ZNF26: variants seen among roughly 807,000 people sequenced by gnomAD.
The protein encoded by ZNF26 is epididymis luminal protein 179.
ZNF26 carries 32 observed loss-of-function variants against 54.9 expected under a neutral mutation model. That is an observed-to-expected ratio of 0.58 (90% CI 0.44 to 0.78). The LOEUF (loss-of-function observed/expected upper bound fraction) is 0.78, where lower values mean the gene tolerates loss of function less well. ZNF26 is among the 30% of genes least tolerant of loss of function. The probability of loss-of-function intolerance (pLI) is 0.00; values close to 1 mark genes in which losing one functional copy is unlikely to be tolerated. For synonymous variants in ZNF26, 221 were observed against 209.2 expected, an observed-to-expected ratio of 1.06 and a Z score of -0.49; for missense variants, 524 against 634.0, an observed-to-expected ratio of 0.83 and a Z score of 1.86.
chr12:133,006,851 C>G, intron 1 of ZNF26, 191 bp from the exon 2 acceptor site: 1 of 654,412 alleles, frequency 1.5e-6, no homozygotes, highest in Middle Eastern at 4.4e-4. Flanking sequence ...CCTTGGCCTC[C>G]GAAAGTGCTG....
rs1441135051 is a variant in ZNF26 at position 133,020,628 on chromosome 12, C to G, written c.*9147C>G. The G allele has an allele frequency of 6.6e-6, 1 of 152,124 alleles. No homozygotes were observed. The highest frequency in any genetic ancestry group is 2.4e-5 in the African/African-American group (1 of 41,402). The allele number at this position is 152,124 out of a possible 1,614,324, so 9.4% of individuals were successfully genotyped here. A position where few individuals can be genotyped will look rare whatever the true frequency, so the allele number is the denominator to read the frequency against. ...AGTTGGAGACTTAATATCCCACTTT[C>G]AATATTAGAACAATCGTATAAGTTG... is the stretch of plus-strand genomic sequence containing the variant. On this transcript the variant is annotated 3_prime_UTR_variant, in exon 4 of 4. Coordinates refer to ENST00000328654, the MANE Select transcript of ZNF26 (RefSeq NM_019591.4).
At chr12:132,998,624 A>G (rs11147202) in intron 1 of ZNF26, among the ~76,000 whole-genome samples, 2,483 of 152,292 alleles carry the variant, frequency 0.016, 74 homozygotes, top group African/African-American at 0.056. Flanking sequence ...GAGCCTGTTA[A>G]AAAGTGACAT....
Position 133,007,539 on chromosome 12 carries a change from G to A in ZNF26, c.256+7G>A. ...TCCAGGCAGAGCTGTCCAGGTGGGTGAGTGAGAAAGAGGAAGGTGGGAGGC... is the reference window on the plus strand; with the variant it reads ...TCCAGGCAGAGCTGTCCAGGTGGGTAAGTGAGAAAGAGGAAGGTGGGAGGC... On this transcript the variant is annotated splice_region_variant and intron_variant, in intron 3 of 3. Coordinates refer to ENST00000328654, the MANE Select transcript of ZNF26 (RefSeq NM_019591.4). The A allele has an allele frequency of 6.2e-7, 1 of 1,604,638 alleles. No homozygotes were observed. The highest frequency in any genetic ancestry group is 1.3e-5 in the African/African-American group (1 of 74,908).
At position 133,010,965 on chromosome 12, in the gene ZNF26, A is replaced by T; in HGVS notation, c.1086A>T (p.Gly362=). Residue 362 remains glycine (G), a synonymous_variant, in exon 4 of 4, where the codon GGA becomes GGT. Coordinates refer to ENST00000328654, the MANE Select transcript of ZNF26 (RefSeq NM_019591.4). ...AGACACAACTCATTGTACATCAGGG[A>T]GTTCACACAGGAAATAATCCTTATC... ...NMKTQLIVHQ[G]VHTGNNPYQC... 1 of 1,614,180 alleles carries T rather than the reference A, an allele frequency of 6.2e-7. No homozygotes were observed. The highest frequency in any genetic ancestry group is 8.5e-7 in the Non-Finnish European group (1 of 1,180,014).
rs1953614331 is a variant in ZNF26 at position 133,019,741 on chromosome 12, C to G, written c.*8260C>G. The G allele has an allele frequency of 6.6e-6, 1 of 152,250 alleles. No individual in the cohort carries two copies. The highest frequency in any genetic ancestry group is 1.5e-5 in the Non-Finnish European group (1 of 68,120). The allele number at this position is 152,250 out of a possible 1,614,324, so 9.4% of individuals were successfully genotyped here. Reference sequence around the variant, plus strand: ...GGTGAAAAGCCAAAAGAAAGGAAATCAGTACATCAAAGAGACACCTGCACT... The same window carrying G: ...GGTGAAAAGCCAAAAGAAAGGAAATGAGTACATCAAAGAGACACCTGCACT... On this transcript the variant is annotated 3_prime_UTR_variant, in exon 4 of 4. Coordinates refer to ENST00000328654, the MANE Select transcript of ZNF26 (RefSeq NM_019591.4).
Position 133,022,182 on chromosome 12 carries a change from C to G in ZNF26, c.*10701C>G, listed in dbSNP as rs1953652523. On this transcript the variant is annotated 3_prime_UTR_variant, in exon 4 of 4. Transcript: ENST00000328654. ...GCAGTGAGCCGGGATCACATCACTG[C>G]ACTCCAGCCTGGGTGACAGAGTGAG... is the stretch of plus-strand genomic sequence containing the variant. 1 of 152,146 alleles carries G rather than the reference C, an allele frequency of 6.6e-6. No individual in the cohort carries two copies. The highest frequency in any genetic ancestry group is 2.1e-4 in the South Asian group (1 of 4,832). The allele number at this position is 152,146 out of a possible 1,614,324, so 9.4% of individuals were successfully genotyped here. A position where few individuals can be genotyped will look rare whatever the true frequency, so the allele number is the denominator to read the frequency against.
At chr12:133,002,704 A>G (rs913529684) in intron 1 of ZNF26, among the ~76,000 whole-genome samples, 10 of 151,514 alleles carry the variant, frequency 6.6e-5, no homozygotes, top group African/African-American at 2.2e-4. Context: ...ACTCACTGCA[A>G]CCTCCACCTC....
rs1307069363 is a variant in ZNF26 at position 133,025,435 on chromosome 12, G to C, written c.*13954G>C. 6.6e-5 allele frequency: 10 copies of C among 152,280 alleles called. No individual in the cohort carries two copies. The highest frequency in any genetic ancestry group is 2.2e-4 in the African/African-American group (9 of 41,542). 9.4% of individuals were successfully genotyped at this position (152,280 alleles called of 1,614,324 possible). A position where few individuals can be genotyped will look rare whatever the true frequency, so the allele number is the denominator to read the frequency against. On this transcript the variant is annotated 3_prime_UTR_variant, in exon 4 of 4. Transcript: ENST00000328654. ...AACGGGATGAGACATTGGGATCTTG[G>C]GGGAGGAGATGGCTGTACTTTGCAT...
rs1953662151 is a variant in ZNF26 at position 133,022,996 on chromosome 12, A to C, written c.*11515A>C. On this transcript the variant is annotated 3_prime_UTR_variant, in exon 4 of 4. Transcript: ENST00000328654. Reference sequence around the variant, plus strand: ...CCCTGTGGAAGAAGCAGTGAGTTGGAAAAAGGGAACACTAAGTAGAGGCTT... The same window carrying C: ...CCCTGTGGAAGAAGCAGTGAGTTGGCAAAAGGGAACACTAAGTAGAGGCTT... 1 of 152,210 alleles carries C rather than the reference A, an allele frequency of 6.6e-6. No homozygotes were observed. Among genetic ancestry groups the C allele is most frequent in the Admixed American group, 6.5e-5 (1 of 15,284 alleles). The allele number at this position is 152,210 out of a possible 1,614,324, so 9.4% of individuals were successfully genotyped here. A position where few individuals can be genotyped will look rare whatever the true frequency, so the allele number is the denominator to read the frequency against.
chr12:133,006,794 C>T, intron 1 of ZNF26: 1 of 398,474 alleles, frequency 2.5e-6, no homozygotes, highest in Non-Finnish European at 4.6e-6. Flanking sequence ...AGGGTTTCAC[C>T]ATCTTGGTCA....
chr12:133,006,044 T>C (rs1953317026), intron 1 of ZNF26: 4 of 982,448 alleles, frequency 4.1e-6, no homozygotes, highest in Non-Finnish European at 4.8e-6. Flanking sequence ...TTTTTTTCTT[T>C]CTTTCATAAT....
intron 1 of ZNF26, among the ~76,000 whole-genome samples, chr12:132,989,780 C>T (rs1439365271): frequency 5.9e-5 from 9 of 152,092 alleles, no homozygotes; most frequent in Non-Finnish European, 1.2e-4. Context: ...ATAGGACTTC[C>T]AGTACAATGT....
At chr12:132,995,871 C>G (rs2137224543) in intron 1 of ZNF26, among the ~76,000 whole-genome samples, 1 of 152,268 alleles carries the variant, frequency 6.6e-6, no homozygotes, top group South Asian at 2.1e-4. Context: ...AGGCTGGTCT[C>G]AAACTCCTGG....
Position 133,025,274 on chromosome 12 carries a change from TG to T in ZNF26, c.*13794del, listed in dbSNP as rs1953689118. On this transcript the variant is annotated 3_prime_UTR_variant, in exon 4 of 4. Transcript: ENST00000328654. Reference sequence around the variant, plus strand: ...ACTGTTACGTTCTGGGTGTGTAAGATGAAAATAACTTGTCTCATATTTCACA... The same window carrying T: ...ACTGTTACGTTCTGGGTGTGTAAGATAAAATAACTTGTCTCATATTTCACA... 1 of 152,190 alleles carries T rather than the reference TG, an allele frequency of 6.6e-6. No individual in the cohort carries two copies. Among genetic ancestry groups the T allele is most frequent in the Non-Finnish European group, 1.5e-5 (1 of 68,042 alleles). The allele number at this position is 152,190 out of a possible 1,614,324, so 9.4% of individuals were successfully genotyped here.
intron 1 of ZNF26, among the ~76,000 whole-genome samples, chr12:132,999,555 G>A (rs1045919272): frequency 4.3e-4 from 65 of 151,344 alleles, no homozygotes; most frequent in Non-Finnish European, 3.1e-4. Context: ...GCACCCAGCC[G>A]CCATGTGTTT....
rs1953478791 is a variant in ZNF26, at chr12:133,011,731, A to T, written c.*250A>T. 3.5e-6 allele frequency: 1 copy of T among 283,074 alleles called. No homozygotes were observed. Among genetic ancestry groups the T allele is most frequent in the Admixed American group, 4.7e-5 (1 of 21,350 alleles). The allele number at this position is 283,074 out of a possible 1,614,324, so 17.5% of individuals were successfully genotyped here. A position where few individuals can be genotyped will look rare whatever the true frequency, so the allele number is the denominator to read the frequency against. ...GTAGTATCATCATGAAGATTCAGAG[A>T]ATTTACACTAGGAACACCTTATAAG... is the stretch of plus-strand genomic sequence containing the variant. On this transcript the variant is annotated 3_prime_UTR_variant, in exon 4 of 4. Transcript: ENST00000328654.
At chr12:132,993,530 A>T (rs1450094816) in intron 1 of ZNF26, among the ~76,000 whole-genome samples, 1 of 150,964 alleles carries the variant, frequency 6.6e-6, no homozygotes. Flanking sequence ...ATCTTGGCTC[A>T]CTACAACCTC....
rs1953630563 is a variant in ZNF26, at chr12:133,020,854, A to C, written c.*9373A>C. The C allele has an allele frequency of 6.6e-6, 1 of 152,058 alleles. No individual in the cohort carries two copies. Among genetic ancestry groups the C allele is most frequent in the Admixed American group, 6.6e-5 (1 of 15,254 alleles). The allele number at this position is 152,058 out of a possible 1,614,324, so 9.4% of individuals were successfully genotyped here. A position where few individuals can be genotyped will look rare whatever the true frequency, so the allele number is the denominator to read the frequency against. ...CTGTCTTCTCACTGTCTCATCACAT[A>C]ATCTCCCTTCTATATGCACATATCT... On this transcript the variant is annotated 3_prime_UTR_variant, in exon 4 of 4. Coordinates refer to ENST00000328654, the MANE Select transcript of ZNF26 (RefSeq NM_019591.4).
rs1953616489 is a variant in ZNF26 at position 133,019,876 on chromosome 12, A to C, written c.*8395A>C. Reference sequence around the variant, plus strand: ...TTTGGGAGGCTGAGGTGGGTGGATCACTTGAGGTCAAGAGTTCAAGACCAG... The same window carrying C: ...TTTGGGAGGCTGAGGTGGGTGGATCCCTTGAGGTCAAGAGTTCAAGACCAG... On this transcript the variant is annotated 3_prime_UTR_variant, in exon 4 of 4. Transcript: ENST00000328654. 6.6e-6 allele frequency: 1 copy of C among 152,316 alleles called. No homozygotes were observed. The highest frequency in any genetic ancestry group is 2.1e-4 in the South Asian group (1 of 4,834). 9.4% of individuals were successfully genotyped at this position (152,316 alleles called of 1,614,324 possible). A position where few individuals can be genotyped will look rare whatever the true frequency, so the allele number is the denominator to read the frequency against.
Sources: allele counts gnomAD v4.1 joint callset (sites outside exome capture counted in the v4.1 genomes callset), GRCh38; gene constraint gnomAD v4.1.1; transcripts MANE v1.5; gene names NCBI Gene and HGNC (gene_info 2026-07-23, HGNC 2026-07-21).